KCNQ5: variants seen among roughly 807,000 people sequenced by gnomAD.
The protein encoded by KCNQ5 is potassium voltage-gated channel subfamily KQT member 5.
A neutral mutation model predicts 98.2 loss-of-function variants in KCNQ5; 30 were observed. The ratio of observed to expected loss-of-function variants is 0.31; its 90% confidence interval spans 0.23 to 0.41. KCNQ5 has a LOEUF of 0.41. KCNQ5 is among the 10% of genes least tolerant of loss of function. KCNQ5 has a pLI of 1.00. For synonymous variants in KCNQ5, 458 were observed against 449.4 expected, an observed-to-expected ratio of 1.02 and a Z score of -0.24; for missense variants, 835 against 1,182.5, an observed-to-expected ratio of 0.71 and a Z score of 4.31.
intron 12 of KCNQ5, among the ~76,000 whole-genome samples, chr6:73,191,405 G>T (rs570315095): frequency 1.3e-5 from 2 of 152,236 alleles, no homozygotes; most frequent in South Asian, 4.2e-4. Context: ...GTGATTAAAA[G>T]AAATGAATTC....
intron 1 of KCNQ5, among the ~76,000 whole-genome samples, chr6:72,670,339 C>G (rs1167798963): frequency 6.6e-6 from 1 of 152,142 alleles, no homozygotes; most frequent in Non-Finnish European, 1.5e-5. Context: ...ACCAGTGTTG[C>G]CTTTAATGTT....
chr6:72,630,463 T>C (rs2098920190), intron 1 of KCNQ5: 1 of 152,232 alleles, frequency 6.6e-6, no homozygotes, highest in African/African-American at 2.4e-5. Context: ...ACAGCCATTA[T>C]GTATGCCAGG....
intron 1 of KCNQ5, among the ~76,000 whole-genome samples, chr6:72,659,076 A>C (rs1052127851): frequency 6.6e-6 from 1 of 152,236 alleles, no homozygotes; most frequent in Non-Finnish European, 1.5e-5. Context: ...GGGAAAGATT[A>C]GTTTACCTAC....
At chr6:72,703,454 CT>C (rs763689075) in intron 1 of KCNQ5, among the ~76,000 whole-genome samples, 2 of 152,174 alleles carry the variant, frequency 1.3e-5, no homozygotes, top group Non-Finnish European at 2.9e-5. Context: ...AGTTAAGTGT[CT>C]GTCTCCTCCA....
At chr6:73,090,773 T>A (rs1185623421) in intron 5 of KCNQ5, among the ~76,000 whole-genome samples, 11 of 152,202 alleles carry the variant, frequency 7.2e-5, no homozygotes, top group Admixed American at 2.0e-4. Flanking sequence ...CACAATGAGA[T>A]ACCATCTCAA....
chr6:72,686,265 A>G (rs1033075713), intron 1 of KCNQ5, among the ~76,000 whole-genome samples: 1 of 152,206 alleles, frequency 6.6e-6, no homozygotes, highest in African/African-American at 2.4e-5. Context: ...CCCGTTTCCA[A>G]TATAAGAAAG....
chr6:72,782,356 T>A (rs1434832003), intron 1 of KCNQ5, among the ~76,000 whole-genome samples: 2 of 152,138 alleles, frequency 1.3e-5, no homozygotes, highest in Non-Finnish European at 2.9e-5. Flanking sequence ...CCACACCCTA[T>A]ACCGTGGTCC....
At chr6:72,678,814 A>T (rs1318950267) in intron 1 of KCNQ5, among the ~76,000 whole-genome samples, 5 of 152,176 alleles carry the variant, frequency 3.3e-5, no homozygotes, top group African/African-American at 1.2e-4. Flanking sequence ...TGCTGCTTTC[A>T]AGAAGCCATA....
At chr6:72,870,907 T>C (rs976405930) in intron 1 of KCNQ5, among the ~76,000 whole-genome samples, 2 of 152,164 alleles carry the variant, frequency 1.3e-5, no homozygotes, top group African/African-American at 4.8e-5. Flanking sequence ...AGGATGATGG[T>C]TATTTCTCTG....
At chr6:72,859,962 C>CAAA (rs35054020) in intron 1 of KCNQ5, among the ~76,000 whole-genome samples, 1 of 137,848 alleles carries the variant, frequency 7.3e-6, no homozygotes, top group African/African-American at 2.6e-5. Context: ...TCCTATTCAC[C>CAAA]AAAAAAAAAA....
chr6:72,860,975 A>G (rs1226349656), intron 1 of KCNQ5, among the ~76,000 whole-genome samples: 1 of 152,152 alleles, frequency 6.6e-6, no homozygotes, highest in Non-Finnish European at 1.5e-5. Context: ...CATAGACATT[A>G]GTAATTATAT....
chr6:72,806,343 A>G (rs1036616995), intron 1 of KCNQ5, among the ~76,000 whole-genome samples: 3 of 152,100 alleles, frequency 2.0e-5, no homozygotes, highest in African/African-American at 7.2e-5. Flanking sequence ...GCTCTACCCA[A>G]TGAGGGGGTC....
chr6:73,052,798 C>T (rs1772303720), intron 3 of KCNQ5, among the ~76,000 whole-genome samples: 1 of 152,156 alleles, frequency 6.6e-6, no homozygotes, highest in African/African-American at 2.4e-5. Flanking sequence ...CTTAAGTACA[C>T]ACACCATTGA....
rs141231433 is a variant in KCNQ5, at chr6:73,172,762, TTTAA to T, written c.1577+2911_1577+2914del. Among the ~76,000 whole-genome samples the T allele has an allele frequency of 2.2e-3, 338 of 152,338 alleles. 2 individuals carry two copies. Among genetic ancestry groups the T allele is most frequent in the African/African-American group, 7.8e-3 (326 of 41,580 alleles). ...ACTTTGGGCATTTTTCTTGTTATTT[TTTAA>T]TTGTTAGAATATTTAATACGAATAT... On this transcript the variant is annotated intron_variant, in intron 11 of 13. Transcript: ENST00000370398.
intron 3 of KCNQ5, among the ~76,000 whole-genome samples, chr6:73,074,675 C>T (rs1184020386): frequency 2.0e-5 from 3 of 151,072 alleles, no homozygotes; most frequent in East Asian, 3.9e-4. Flanking sequence ...TTCTGCCTCG[C>T]TTTTTTCATC....
chr6:72,838,086 A>G (rs1776592306), intron 1 of KCNQ5, among the ~76,000 whole-genome samples: 1 of 144,124 alleles, frequency 6.9e-6, no homozygotes. Flanking sequence ...TATAGCTCCT[A>G]ATGCTATCCC....
chr6:73,000,963 T>C (rs1769541081), intron 1 of KCNQ5, among the ~76,000 whole-genome samples: 1 of 152,228 alleles, frequency 6.6e-6, no homozygotes, highest in African/African-American at 2.4e-5. Flanking sequence ...TGTTTCATCC[T>C]GTTCTGCAAA....
At chr6:73,151,202 TATA>T (rs1451809962) in intron 10 of KCNQ5, among the ~76,000 whole-genome samples, 3 of 152,182 alleles carry the variant, frequency 2.0e-5, no homozygotes, top group African/African-American at 7.2e-5. Context: ...TGTTACAGAA[TATA>T]ATGATTTTCT....
chr6:72,831,559 T>A (rs970887409), intron 1 of KCNQ5, among the ~76,000 whole-genome samples: 3 of 128,086 alleles, frequency 2.3e-5, no homozygotes, highest in African/African-American at 9.0e-5. Context: ...AAGCGGAACA[T>A]CACACACCGG....
Sources: allele counts gnomAD v4.1 joint callset (sites outside exome capture counted in the v4.1 genomes callset), GRCh38; gene constraint gnomAD v4.1.1; transcripts MANE v1.5; gene names NCBI Gene and HGNC (gene_info 2026-07-23, HGNC 2026-07-21).